Variants in TTN observed in about 807,000 individuals in gnomAD.
The protein encoded by TTN is connectin.
A neutral mutation model predicts 3,223.0 loss-of-function variants in TTN; 1,525 were observed. The ratio of observed to expected loss-of-function variants is 0.47; its 90% CI spans 0.45 to 0.49. TTN has a LOEUF of 0.49. Among genes scored for constraint, TTN ranks in the 20% least tolerant of loss-of-function variants. The pLI is 0.00. For missense variants in TTN, 40,786 were observed against 43,424.0 expected (o/e 0.94, Z 5.40); for synonymous variants, 14,094 against 15,161.0 (o/e 0.93, Z 5.17).
chr2:178,764,437 C>G (rs994547213), intron 42 of TTN, 90 bp downstream of exon 42: 1 of 1,610,970 alleles, frequency 6.2e-7, no homozygotes. Context: ...CTTTTATGAG[C>G]TCCAAATTGT....
chr2:178,663,270 A>T lies in TTN; in HGVS notation c.36696T>A (p.Pro12232=). Residue 12232 remains proline (P), a synonymous_variant, in exon 173 of 363, where the codon CCT becomes CCA. Coordinates refer to ENST00000589042, the MANE Select transcript of TTN (RefSeq NM_001267550.2). The part of the protein sequence containing the change: ...AIPPKPESPP[P]EVPEVLPPKE... ...TTTGTATAGCTTTGGCATTACCTTC[A>T]GGGGGAGGACTTTCCGGTTTGGGAG... 1 of 1,561,800 alleles carries T rather than the reference A, an allele frequency of 6.4e-7. No homozygotes were observed. The highest frequency in any genetic ancestry group is 8.7e-7 in the Non-Finnish European group (1 of 1,153,918).
chr2:178,649,028 C>T (rs1056336336), intron 213 of TTN, among the ~76,000 whole-genome samples: 3 of 152,140 alleles, frequency 2.0e-5, no homozygotes, highest in African/African-American at 7.2e-5. Context: ...AGGTTCTTTT[C>T]TACTAGTTGT....
At chr2:178,714,686 G>C in intron 90 of TTN, 113 bp from the exon 91 acceptor site, 2 of 1,277,940 alleles carry the variant, frequency 1.6e-6, no homozygotes, top group Admixed American at 2.8e-5. Flanking sequence ...TTCCATTTAA[G>C]AGGCATTTTT....
In TTN at chr2:178,777,235, T is replaced by A. The variant is rs1249517281; in HGVS notation, c.4728A>T (p.Lys1576Asn). The change falls in exon 27 of 363, where the codon AAA becomes AAT. Residue 1576 changes from lysine to asparagine, a missense_variant. Coordinates refer to ENST00000589042, the MANE Select transcript of TTN (RefSeq NM_001267550.2). Reference sequence around the variant, plus strand: ...GGTTGGGGTTACCCGTAGCTCTGACTTTCATTTCAAGTCGGGAACCTTCCT... The same window carrying A: ...GGTTGGGGTTACCCGTAGCTCTGACATTCATTTCAAGTCGGGAACCTTCCT... ...NIKEGSRLEMKVRATGNPNPD... is the reference protein window; with the variant it reads ...NIKEGSRLEMNVRATGNPNPD... 6.2e-7 allele frequency: 1 copy of A among 1,614,052 alleles called. No homozygotes were observed. Among genetic ancestry groups the A allele is most frequent in the Non-Finnish European group, 8.5e-7 (1 of 1,179,894 alleles).
In TTN at chr2:178,770,154, G is replaced by C; in HGVS notation, c.8547C>G (p.His2849Gln). The part of the protein sequence containing the change: ...KHRLVSERKV[H>Q]KLMLQNISPS... ...GGGAGATGTTCTGCAGCATCAGCTTGTGGACTTTCCTTTCTGAGACCAGTC... is the reference window on the plus strand; with the variant it reads ...GGGAGATGTTCTGCAGCATCAGCTTCTGGACTTTCCTTTCTGAGACCAGTC... Residue 2849 changes from histidine to glutamine, a missense_variant, in exon 36 of 363, where the codon CAC becomes CAG. By Grantham distance (24) the His-to-Gln change is conservative. Coordinates refer to ENST00000589042, the MANE Select transcript of TTN (RefSeq NM_001267550.2). 6.2e-7 allele frequency: 1 copy of C among 1,614,132 alleles called. No homozygotes were observed. Among genetic ancestry groups the C allele is most frequent in the Admixed American group, 1.7e-5 (1 of 60,016 alleles).
Position 178,532,293 on chromosome 2 carries a change from A to T in TTN, c.104322T>A (p.Leu34774=). ...IMAEREDEEL[L]RPVTTTQHLS... ...GATGCTGGGTGGTCGTAACTGGGCG[A>T]AGCAACTCTTCATCCTCCCTCTCAG... The change falls in exon 358 of 363, where the codon CTT becomes CTA. Residue 34774 remains leucine (L), a synonymous_variant. Coordinates refer to ENST00000589042, the MANE Select transcript of TTN (RefSeq NM_001267550.2). The T allele has an allele frequency of 6.2e-7, 1 of 1,613,952 alleles. No homozygotes were observed. The highest frequency in any genetic ancestry group is 8.5e-7 in the Non-Finnish European group (1 of 1,179,886).
At chr2:178,742,457 C>G (rs182190165) in intron 47 of TTN, among the ~76,000 whole-genome samples, 2 of 152,096 alleles carry the variant, frequency 1.3e-5, no homozygotes, top group East Asian at 3.9e-4. Flanking sequence ...GTAAGAGAAC[C>G]ACTGTTTTCA....
chr2:178,741,344 T>C lies in TTN; in HGVS notation c.11889A>G (p.Gly3963=), dbSNP rs1285384864. 1 of 1,613,766 alleles carries C rather than the reference T, an allele frequency of 6.2e-7. No homozygotes were observed. Among genetic ancestry groups the C allele is most frequent in the East Asian group, 2.2e-5 (1 of 44,868 alleles). ...LPAIFEYTVV[G]EPAPTVTWFK... is the part of the protein sequence containing the mutation. ...ACCATGTAACAGTAGGGGCAGGCTCTCCAACCACTGTGTACTCAAAGATGG... is the reference window on the plus strand; with the variant it reads ...ACCATGTAACAGTAGGGGCAGGCTCCCCAACCACTGTGTACTCAAAGATGG... The change falls in exon 48 of 363, where the codon GGA becomes GGG. Residue 3963 remains glycine, a synonymous_variant. Transcript: ENST00000589042.
chr2:178,784,886 T>C (rs1209318786), intron 15 of TTN, among the ~76,000 whole-genome samples: 1 of 152,242 alleles, frequency 6.6e-6, no homozygotes, highest in Non-Finnish European at 1.5e-5. Flanking sequence ...TGTTTTGTAA[T>C]TTGGGACTAA....
In TTN at chr2:178,552,930, T is replaced by C. The variant is rs1454586108; in HGVS notation, c.89970A>G (p.Thr29990=). Residue 29990 remains threonine, a synonymous_variant, in exon 335 of 363, where the codon ACA becomes ACG. Transcript: ENST00000589042. ...CCGACAAATCTATTAGCTTGAAGGA[T>C]GTGCTAGAACATTTGTGTGACACGA... ...WSVVSHKCSS[T]SFKLIDLSEK... 1.2e-6 allele frequency: 2 copies of C among 1,613,792 alleles called. No individual in the cohort carries two copies. The highest frequency in any genetic ancestry group is 1.7e-6 in the Non-Finnish European group (2 of 1,179,802).
rs1196970507 is a variant in TTN, at chr2:178,713,163, A to T, written c.26971T>A (p.Ser8991Thr). 1 of 1,613,788 alleles carries T rather than the reference A, an allele frequency of 6.2e-7. No individual in the cohort carries two copies. Among genetic ancestry groups the T allele is most frequent in the Non-Finnish European group, 8.5e-7 (1 of 1,179,764 alleles). Reference sequence around the variant, plus strand: ...ATACATGTGTAGTCACCACTGTCTGATTCTTCCAGCATGTTCACAGTTAAA... The same window carrying T: ...ATACATGTGTAGTCACCACTGTCTGTTTCTTCCAGCATGTTCACAGTTAAA... The part of the protein sequence containing the change: ...CALTVNMLEE[S>T]DSGDYTCIAT... The change falls in exon 93 of 363, where the codon TCA becomes ACA. Residue 8991 changes from serine to threonine, a missense_variant. Physicochemically the swap from Ser to Thr is moderately conservative, Grantham distance 58. Coordinates refer to ENST00000589042, the MANE Select transcript of TTN (RefSeq NM_001267550.2).
At chr2:178,649,490 T>C (rs537013826) in intron 212 of TTN, 64 bp downstream of exon 212, 14 of 1,490,652 alleles carry the variant, frequency 9.4e-6, no homozygotes, top group African/African-American at 1.4e-5. Flanking sequence ...GGACAACTTA[T>C]TGGATTCCAC....
At chr2:178,746,109 C>G (rs141483365) in intron 47 of TTN, 1 of 1,613,256 alleles carries the variant, frequency 6.2e-7, no homozygotes, top group Non-Finnish European at 8.5e-7. Context: ...CCCTTCTCCT[C>G]GCTAATCACG....
chr2:178,574,923 C>T lies in TTN; in HGVS notation c.71209G>A (p.Asp23737Asn), dbSNP rs758836824. The T allele has an allele frequency of 9.3e-6, 15 of 1,612,698 alleles. No individual in the cohort carries two copies. The highest frequency in any genetic ancestry group is 1.3e-5 in the African/African-American group (1 of 74,876). Reference protein sequence around the residue: ...PGPPTGPIKFDEVSSDFVTFS... With the variant: ...PGPPTGPIKFNEVSSDFVTFS... The stretch of plus-strand genomic sequence containing the variant: ...GTTACAAAATCAGATGAAACTTCAT[C>T]AAATTTGATTGGTCCAGTAGGTGGC... Residue 23737 changes from aspartate to asparagine, a missense_variant, in exon 326 of 363, where the codon GAT becomes AAT. Coordinates refer to ENST00000589042, the MANE Select transcript of TTN (RefSeq NM_001267550.2).
intron 45 of TTN, among the ~76,000 whole-genome samples, chr2:178,757,231 T>TACAGTAAGTAACACTGTACTTG (rs1252574568): frequency 1.3e-5 from 2 of 148,870 alleles, no homozygotes; most frequent in Admixed American, 6.7e-5. Context: ...TAAGTAATAA[T>TACAGTAAGTAACACTGTACTTG]CAGCAAATAG....
At position 178,635,598 on chromosome 2, in the gene TTN, C is replaced by A; in HGVS notation, c.41726G>T (p.Gly13909Val). Residue 13909 changes from glycine to valine, a missense_variant, in exon 227 of 363, where the codon GGA becomes GTA. Transcript: ENST00000589042. ...KDTPNIKWFKGYDEIPAEPND... is the reference protein window; with the variant it reads ...KDTPNIKWFKVYDEIPAEPND... Reference sequence around the variant, plus strand: ...TGGTTCCGCAGGGATTTCATCATATCCTTTGAACCACTTAATGTTTGGAGT... The same window carrying A: ...TGGTTCCGCAGGGATTTCATCATATACTTTGAACCACTTAATGTTTGGAGT... The A allele has an allele frequency of 6.3e-7, 1 of 1,593,598 alleles. No individual in the cohort carries two copies. Among genetic ancestry groups the A allele is most frequent in the Non-Finnish European group, 8.6e-7 (1 of 1,168,712 alleles).
intron 242 of TTN, 24 bp downstream of exon 242, chr2:178,624,441 G>A (rs1019395663): frequency 1.2e-6 from 2 of 1,609,530 alleles, no homozygotes. Flanking sequence ...CAAATGAAAA[G>A]TCCTTTGTAA....
intron 147 of TTN, among the ~76,000 whole-genome samples, chr2:178,676,917 AT>A (rs2068197234): frequency 1.3e-5 from 2 of 151,688 alleles, no homozygotes; most frequent in Admixed American, 6.6e-5. Flanking sequence ...ATTCATATAT[AT>A]TTAAATATAT....
In TTN at chr2:178,615,744, A is replaced by G. The variant is rs758467602; in HGVS notation, c.48357T>C (p.Leu16119=). The change falls in exon 258 of 363, where the codon CTT becomes CTC. Residue 16119 remains leucine, a synonymous_variant. Transcript: ENST00000589042. ...VTDLEFTVPD[L]VQGKEYLFKV... ...TAAATAAGTACTCTTTTCCTTGAAC[A>G]AGATCAGGAACTGTGAATTCTAGAT... 1.2e-6 allele frequency: 2 copies of G among 1,612,198 alleles called. No homozygotes were observed. The highest frequency in any genetic ancestry group is 1.7e-6 in the Non-Finnish European group (2 of 1,178,820).
Sources: allele counts gnomAD v4.1 joint callset (sites outside exome capture counted in the v4.1 genomes callset), GRCh38; gene constraint gnomAD v4.1.1; transcripts MANE v1.5; gene names NCBI Gene and HGNC (gene_info 2026-07-23, HGNC 2026-07-21).